Variants in FARP2 observed in about 807,000 individuals in gnomAD.
The protein encoded by FARP2 is FERM, ARHGEF and pleckstrin domain-containing protein 2.
A neutral mutation model predicts 130.5 loss-of-function variants in FARP2; 111 were observed. The ratio of observed to expected loss-of-function variants is 0.85; its 90% CI spans 0.73 to 1.00. The LOEUF is 1.00. Among genes scored for constraint, FARP2 ranks in the 50% least tolerant of loss-of-function variants. FARP2 has a pLI of 0.00. For synonymous variants in FARP2, 504 were observed against 516.9 expected, an observed-to-expected ratio of 0.98 and a Z score of 0.34; for missense variants, 1,385 against 1,346.3, an observed-to-expected ratio of 1.03 and a Z score of -0.45.
Position 241,366,129 on chromosome 2 carries a change from A to ATATACATATG in FARP2, c.-24-6951_-24-6950insCATATGTATA, listed in dbSNP as rs1559702253. On this transcript the variant is annotated intron_variant, in intron 1 of 26. Transcript: ENST00000264042. ...AATATATATATATATATACGTATAT[A>ATATACATATG]TATATATATACACACACACATATAT... Among the ~76,000 whole-genome samples, 22 of 99,214 alleles carry ATATACATATG rather than the reference A, an allele frequency of 2.2e-4. 1 individual carries two copies. In the East Asian group the frequency reaches 4.6e-3, roughly 21 times the overall value. 65.1% of individuals were successfully genotyped at this position (99,214 alleles called of 152,430 possible).
At chr2:241,406,280 C>A (rs1242627147) in intron 4 of FARP2, among the ~76,000 whole-genome samples, 3 of 151,780 alleles carry the variant, frequency 2.0e-5, no homozygotes, top group Non-Finnish European at 4.4e-5. Flanking sequence ...TGCACTCCAG[C>A]CTGGGCGACA....
intron 2 of FARP2, among the ~76,000 whole-genome samples, chr2:241,385,356 T>C (rs188050927): frequency 2.0e-5 from 3 of 152,292 alleles, no homozygotes; most frequent in Admixed American, 1.3e-4. Context: ...TTGTATGTTT[T>C]CTACCTTAGA....
chr2:241,414,752 G>T (rs7574176), intron 7 of FARP2, among the ~76,000 whole-genome samples: 2 of 152,222 alleles, frequency 1.3e-5, no homozygotes, highest in Non-Finnish European at 2.9e-5. Context: ...TGTGTGCAGT[G>T]TAGCGGGAGC....
rs191136121 is a variant in FARP2 at position 241,406,265 on chromosome 2, G to A, written c.332-1272G>A. ...GGAGCTTGCAGTGAGCCGAGATCAC[G>A]TCACTGCACTCCAGCCTGGGCGACA... On this transcript the variant is annotated intron_variant, in intron 4 of 26. Transcript: ENST00000264042. 1.0e-4 allele frequency among the ~76,000 whole-genome samples: 15 copies of A among 149,898 alleles called. No individual in the cohort carries two copies. The East Asian group carries it at 1.6e-3, about 16-fold the overall frequency.
intron 17 of FARP2, chr2:241,466,088 C>A: frequency 9.1e-7 from 1 of 1,104,030 alleles, no homozygotes; most frequent in Non-Finnish European, 1.1e-6. Flanking sequence ...GATATTAAAA[C>A]CCTTTAGCTC....
At chr2:241,439,832 CG>C (rs1287725943) in intron 12 of FARP2, among the ~76,000 whole-genome samples, 4 of 151,968 alleles carry the variant, frequency 2.6e-5, no homozygotes, top group African/African-American at 9.7e-5. Flanking sequence ...ATGGTAGGCG[CG>C]TATAATCCCA....
In FARP2 at chr2:241,417,085, G is replaced by C. The variant is rs147388970; in HGVS notation, c.624-877G>C. 3.1e-3 allele frequency among the ~76,000 whole-genome samples: 466 copies of C among 152,264 alleles called. 1 individual carries two copies. Among genetic ancestry groups the C allele is most frequent in the African/African-American group, 0.011 (453 of 41,546 alleles). Reference sequence around the variant, plus strand: ...AGAAGCCAAGGTGGGCGGATCACCTGAGGTCAGGAGTTTGAGACCAGCCCG... The same window carrying C: ...AGAAGCCAAGGTGGGCGGATCACCTCAGGTCAGGAGTTTGAGACCAGCCCG... On this transcript the variant is annotated intron_variant, in intron 7 of 26. Transcript: ENST00000264042.
intron 19 of FARP2, 72 bp from the exon 20 acceptor site, chr2:241,483,393 C>A: frequency 1.5e-6 from 2 of 1,311,202 alleles, no homozygotes; most frequent in Non-Finnish European, 2.2e-6. Flanking sequence ...CTATTCCTGA[C>A]CCTCAGCCCG....
At chr2:241,434,419 T>A in intron 10 of FARP2, 98 bp downstream of exon 10, 1 of 893,350 alleles carries the variant, frequency 1.1e-6, no homozygotes, top group Non-Finnish European at 1.6e-6. Flanking sequence ...ATAAAATATT[T>A]CAGAGAATTA....
At chr2:241,366,567 G>C (rs1575454373) in intron 1 of FARP2, among the ~76,000 whole-genome samples, 1 of 152,064 alleles carries the variant, frequency 6.6e-6, no homozygotes, top group Non-Finnish European at 1.5e-5. Flanking sequence ...TGCTGAATTT[G>C]TCTGAAAGTG....
At chr2:241,378,489 G>A (rs890945613) in intron 2 of FARP2, among the ~76,000 whole-genome samples, 2 of 137,834 alleles carry the variant, frequency 1.5e-5, no homozygotes, top group Admixed American at 8.5e-5. Flanking sequence ...AAAACTCACT[G>A]CAGCCTTGAC....
At position 241,401,640 on chromosome 2, in the gene FARP2, C is replaced by G. The variant is rs2062168853; in HGVS notation, c.184-2188C>G. ...AGGTTGCTGAGTTCACAGGCGTGAG[C>G]TACCATGCCCAGAGTCCCTTTTATT... On this transcript the variant is annotated intron_variant, in intron 2 of 26. Coordinates refer to ENST00000264042, the MANE Select transcript of FARP2 (RefSeq NM_014808.4). Among the ~76,000 whole-genome samples, 3 of 152,148 alleles carry G rather than the reference C, an allele frequency of 2.0e-5. No individual in the cohort carries two copies. In the South Asian group the frequency reaches 6.2e-4, roughly 32 times the overall value.
At chr2:241,434,034 C>CA (rs979850479) in intron 9 of FARP2, 124 bp from the exon 10 acceptor site, 1,595 of 752,034 alleles carry the variant, frequency 2.1e-3, no homozygotes, top group Middle Eastern at 4.0e-3. Flanking sequence ...GATCCTGTCT[C>CA]AAAAAAAAAC....
At chr2:241,466,184 C>G (rs745867362) in intron 17 of FARP2, 1 of 1,054,352 alleles carries the variant, frequency 9.5e-7, no homozygotes, top group Non-Finnish European at 1.1e-6. Flanking sequence ...GGACCACCCC[C>G]TCACGGGGCA....
At chr2:241,473,714 G>C (rs770883012) in intron 18 of FARP2, among the ~76,000 whole-genome samples, 1 of 152,200 alleles carries the variant, frequency 6.6e-6, no homozygotes, top group Non-Finnish European at 1.5e-5. Context: ...TGCCTGACAT[G>C]ATGTCTGGAA....
In FARP2 at chr2:241,494,080, A is replaced by C; in HGVS notation, c.3120A>C (p.Gln1040His). The change falls in exon 27 of 27, where the codon CAA becomes CAC. Residue 1040 changes from glutamine (Q) to histidine (H), a missense_variant. By Grantham distance (24) the Gln-to-His change is conservative. Coordinates refer to ENST00000264042, the MANE Select transcript of FARP2 (RefSeq NM_014808.4). The surrounding 1 kb of genome is among the most constrained non-coding windows in gnomAD (Gnocchi z 4.9). ...CAAGCATCGTGCAGGATGGCCCCCA[A>C]CCCTCCTCAGGGCTGGAGGGGATGG... is the stretch of plus-strand genomic sequence containing the variant. Reference protein sequence around the residue: ...RAPSIVQDGPQPSSGLEGMVR... With the variant: ...RAPSIVQDGPHPSSGLEGMVR... 2 of 1,451,856 alleles carry C rather than the reference A, an allele frequency of 1.4e-6. No homozygotes were observed. Among genetic ancestry groups the C allele is most frequent in the Non-Finnish European group, 1.8e-6 (2 of 1,106,890 alleles). The allele number at this position is 1,451,856 out of a possible 1,614,324, so 89.9% of individuals were successfully genotyped here.
intron 9 of FARP2, 72 bp from the exon 10 acceptor site, chr2:241,434,086 G>C (rs1406795714): frequency 1.7e-6 from 2 of 1,179,630 alleles, no homozygotes; most frequent in Non-Finnish European, 2.4e-6. Flanking sequence ...CGTGTGATCT[G>C]CTTCCTAAAT....
intron 8 of FARP2, among the ~76,000 whole-genome samples, chr2:241,421,870 G>A (rs1044614397): frequency 2.0e-5 from 3 of 152,194 alleles, no homozygotes; most frequent in Admixed American, 1.3e-4. Flanking sequence ...CAGGCCAGGC[G>A]TAGTGGCTCA....
At position 241,441,362 on chromosome 2, in the gene FARP2, T is replaced by C; in HGVS notation, c.1217T>C (p.Phe406Ser). ...TPASPSSANA[F>S]YSLSPSTLVP... ...GCCTCCCCATCTTCAGCGAATGCCT[T>C]TTACTCGCTCTCTCCCTCCACTCTG... Residue 406 changes from phenylalanine (F) to serine (S), a missense_variant, in exon 13 of 27, where the codon TTT becomes TCT. By Grantham distance (155) the Phe-to-Ser change is radical. Transcript: ENST00000264042. 1.2e-6 allele frequency: 2 copies of C among 1,614,002 alleles called. No individual in the cohort carries two copies. Among genetic ancestry groups the C allele is most frequent in the Middle Eastern group, 1.7e-4 (1 of 6,060 alleles).
Sources: allele counts gnomAD v4.1 joint callset (sites outside exome capture counted in the v4.1 genomes callset), GRCh38; gene constraint gnomAD v4.1.1; non-coding constraint Gnocchi (gnomAD v3.1); transcripts MANE v1.5; gene names NCBI Gene and HGNC (gene_info 2026-07-23, HGNC 2026-07-21).